Variants in NPHP4 observed in about 807,000 individuals in gnomAD.
NPHP4 encodes the protein nephrocystin 4.
Under a neutral mutation model 155.8 loss-of-function variants are expected in NPHP4, and 151 were observed. That is an observed-to-expected ratio of 0.97 (90% CI 0.85 to 1.11). The LOEUF (loss-of-function observed/expected upper bound fraction) is 1.11, where lower values mean the gene tolerates loss of function less well. Ranked by LOEUF, NPHP4 falls within the 50% of genes least tolerant of loss-of-function variation. NPHP4 has a pLI of 0.00. For missense variants in NPHP4, 1,956 were observed against 1,925.7 expected, an observed-to-expected ratio of 1.02 and a Z score of -0.29; for synonymous variants, 845 against 816.8, an observed-to-expected ratio of 1.03 and a Z score of -0.59.
At chr1:5,952,897 C>T (rs1331640591) in intron 6 of NPHP4, 61 bp from the exon 7 acceptor site, 2 of 1,492,394 alleles carry the variant, frequency 1.3e-6, no homozygotes, top group African/African-American at 2.8e-5. Flanking sequence ...CTGGCAGCCA[C>T]CGAGGGTCCC....
At chr1:5,915,689 T>A (rs77019682) in intron 11 of NPHP4, among the ~76,000 whole-genome samples, 10,353 of 152,142 alleles carry the variant, frequency 0.068, 435 homozygotes, top group Middle Eastern at 0.13. Flanking sequence ...GTTCCGTGAC[T>A]TGCCAGAGCC....
intron 11 of NPHP4, among the ~76,000 whole-genome samples, chr1:5,918,151 A>AGGT (rs1645567875): frequency 6.6e-6 from 1 of 152,232 alleles, no homozygotes. Flanking sequence ...ATAAAATAAA[A>AGGT]GGTGGTGTCT....
chr1:5,887,423 T>C lies in NPHP4; in HGVS notation c.2348A>G (p.Glu783Gly), dbSNP rs747714815. The C allele has an allele frequency of 1.9e-6, 3 of 1,613,198 alleles. No homozygotes were observed. The highest frequency in any genetic ancestry group is 3.3e-5 in the Admixed American group (2 of 60,014). The change falls in exon 18 of 30, where the codon GAG becomes GGG. Residue 783 changes from glutamate (E) to glycine (G), a missense_variant. Physicochemically the swap from Glu to Gly is moderately conservative, Grantham distance 98. Transcript: ENST00000378156. ...QGRPAVQASHELEVVATEYEQ... is the reference protein window; with the variant it reads ...QGRPAVQASHGLEVVATEYEQ... Reference sequence around the variant, plus strand: ...GTATTCAGTTGCCACGACCTCAAGCTCGTGGGAGGCCTGCACAGCCGGCCG... The same window carrying C: ...GTATTCAGTTGCCACGACCTCAAGCCCGTGGGAGGCCTGCACAGCCGGCCG...
Position 5,867,029 on chromosome 1 carries a change from C to T in NPHP4, c.3558+1G>A. The T allele has an allele frequency of 1.2e-6, 2 of 1,611,988 alleles. No homozygotes were observed. The highest frequency in any genetic ancestry group is 1.7e-5 in the Admixed American group (1 of 59,894). ...TGAGCTGGGGCCACAACACAACCTA[C>T]CACATTCTGGGTCTCACAGATGACG... is the stretch of plus-strand genomic sequence containing the variant. On this transcript the variant is annotated splice_donor_variant, in intron 25 of 29. Coordinates refer to ENST00000378156, the MANE Select transcript of NPHP4 (RefSeq NM_015102.5). LOFTEE classifies it high-confidence loss of function. This position sits in a 1 kb window ranked among gnomAD's most constrained non-coding sequence, Gnocchi z 4.1.
intron 29 of NPHP4, 192 bp from the exon 30 acceptor site, chr1:5,863,597 A>G: frequency 1.5e-6 from 1 of 669,616 alleles, no homozygotes; most frequent in Middle Eastern, 4.2e-4. Flanking sequence ...AGCCAGTGTG[A>G]CGCGTTACTT....
At chr1:5,972,748 C>A (rs1652806717) in intron 3 of NPHP4, among the ~76,000 whole-genome samples, 1 of 151,918 alleles carries the variant, frequency 6.6e-6, no homozygotes, top group South Asian at 2.1e-4. Context: ...TTCTTTCTTT[C>A]TTTTTTTTCA....
rs1351322008 is a variant in NPHP4, at chr1:5,965,556, CTA to C, written c.517+1741_517+1742del. Among the ~76,000 whole-genome samples, 6 of 152,240 alleles carry C rather than the reference CTA, an allele frequency of 3.9e-5. No homozygotes were observed. In the East Asian group the frequency reaches 1.2e-3, roughly 29 times the overall value. ...TTCCTGACTGGTTGTTCTCAGTAAA[CTA>C]AAAATAAAATCCTGAGCCCCCAGTG... On this transcript the variant is annotated intron_variant, in intron 5 of 29. Coordinates refer to ENST00000378156, the MANE Select transcript of NPHP4 (RefSeq NM_015102.5).
At chr1:5,869,255 G>A (rs1167835213) in intron 23 of NPHP4, among the ~76,000 whole-genome samples, 1 of 135,634 alleles carries the variant, frequency 7.4e-6, no homozygotes, top group Non-Finnish European at 1.6e-5. Context: ...ACACACACAT[G>A]CACACCCACA....
In NPHP4 at chr1:5,910,916, G is replaced by A. The variant is rs1243554419; in HGVS notation, c.1442-1703C>T. Reference sequence around the variant, plus strand: ...CCAGAGGGAGCCCCCAACCCTCAGAGGATCCAACTGCCCAGCCTGGCGGGC... The same window carrying A: ...CCAGAGGGAGCCCCCAACCCTCAGAAGATCCAACTGCCCAGCCTGGCGGGC... On this transcript the variant is annotated intron_variant, in intron 11 of 29. Transcript: ENST00000378156. This position sits in a 1 kb window ranked among gnomAD's most constrained non-coding sequence, Gnocchi z 5.4. Among the ~76,000 whole-genome samples the A allele has an allele frequency of 1.3e-5, 2 of 152,188 alleles. No homozygotes were observed. The highest frequency in any genetic ancestry group is 2.9e-5 in the Non-Finnish European group (2 of 68,028).
At chr1:5,956,731 C>G (rs972576950) in intron 6 of NPHP4, among the ~76,000 whole-genome samples, 4 of 152,206 alleles carry the variant, frequency 2.6e-5, no homozygotes, top group Non-Finnish European at 5.9e-5. Flanking sequence ...CCAGGACGCT[C>G]TACTGTAGGA....
At chr1:5,960,559 CT>C (rs1192436180) in intron 6 of NPHP4, among the ~76,000 whole-genome samples, 1 of 152,134 alleles carries the variant, frequency 6.6e-6, no homozygotes, top group Non-Finnish European at 1.5e-5. Context: ...AAATCCTGCT[CT>C]TCCTGGAACC....
In NPHP4 at chr1:5,864,719, C is replaced by T. The variant is rs1415618470; in HGVS notation, c.3817-202G>A. On this transcript the variant is annotated intron_variant, in intron 27 of 29. Transcript: ENST00000378156. ...CACCAGGCAAGTCCCTCCTCTCACACGGCGACTATTCCCTAAGCGCTGCCT... is the reference window on the plus strand; with the variant it reads ...CACCAGGCAAGTCCCTCCTCTCACATGGCGACTATTCCCTAAGCGCTGCCT... 4.0e-5 allele frequency: 22 copies of T among 549,030 alleles called. No homozygotes were observed. The South Asian group carries it at 5.2e-4, about 13-fold the overall frequency. The allele number at this position is 549,030 out of a possible 1,614,324, so 34.0% of individuals were successfully genotyped here. A position where few individuals can be genotyped will look rare whatever the true frequency, so the allele number is the denominator to read the frequency against.
intron 18 of NPHP4, 186 bp from the exon 19 acceptor site, chr1:5,880,425 G>A (rs768459734): frequency 6.9e-5 from 41 of 591,540 alleles, no homozygotes; most frequent in African/African-American, 1.1e-4. Context: ...GTTCTGCTGC[G>A]AACTTTCAGC....
intron 6 of NPHP4, among the ~76,000 whole-genome samples, chr1:5,960,366 A>C (rs2102115294): frequency 6.6e-6 from 1 of 151,904 alleles, no homozygotes; most frequent in South Asian, 2.1e-4. Context: ...AAATTAATTA[A>C]CTCAGATAAT....
chr1:5,908,688 G>C (rs1286764312), intron 12 of NPHP4, among the ~76,000 whole-genome samples: 2 of 152,260 alleles, frequency 1.3e-5, no homozygotes, highest in East Asian at 3.9e-4. Flanking sequence ...ACTGCCAGCA[G>C]CTTGTGGTTC....
intron 9 of NPHP4, among the ~76,000 whole-genome samples, chr1:5,942,177 C>T (rs773822908): frequency 2.2e-4 from 33 of 152,138 alleles, no homozygotes; most frequent in Non-Finnish European, 4.0e-4. Context: ...CACAACCTGA[C>T]TCCAACTATG....
intron 10 of NPHP4, 86 bp from the exon 11 acceptor site, chr1:5,927,873 C>T (rs2101673941): frequency 5.0e-6 from 7 of 1,405,056 alleles, no homozygotes; most frequent in African/African-American, 1.4e-5. Context: ...GCAGGCTCTG[C>T]CCTAAAACAA....
chr1:5,947,289 T>C, intron 8 of NPHP4, 59 bp from the exon 9 acceptor site: 2 of 1,590,660 alleles, frequency 1.3e-6, no homozygotes, highest in Non-Finnish European at 1.7e-6. Context: ...CCTTCCCGCA[T>C]CCACGTCGAC....
chr1:5,898,968 C>T (rs1205554176), intron 16 of NPHP4, among the ~76,000 whole-genome samples: 1 of 152,162 alleles, frequency 6.6e-6, no homozygotes, highest in Non-Finnish European at 1.5e-5. Context: ...ATCAAGGAAG[C>T]TCCAACCACG....
Sources: allele counts gnomAD v4.1 joint callset (sites outside exome capture counted in the v4.1 genomes callset), GRCh38; gene constraint gnomAD v4.1.1; non-coding constraint Gnocchi (gnomAD v3.1); transcripts MANE v1.5; gene names NCBI Gene and HGNC (gene_info 2026-07-23, HGNC 2026-07-21).